RIF1: variants seen among roughly 807,000 people sequenced by gnomAD.
RIF1 encodes the protein telomere-associated protein RIF1.
RIF1 carries 45 observed loss-of-function variants against 247.1 expected under a neutral mutation model. The observed-to-expected ratio is 0.18, with a 90% confidence interval of 0.14 to 0.23. The LOEUF (loss-of-function observed/expected upper bound fraction) is 0.23. Among genes scored for constraint, RIF1 ranks in the 10% least tolerant of loss-of-function variants. The pLI, the probability that RIF1 is intolerant of heterozygous loss-of-function variation, is 1.00. For missense variants in RIF1, 2,967 were observed against 2,862.5 expected (o/e 1.04, Z -0.83); for synonymous variants, 1,087 against 978.8 (o/e 1.11, Z -2.06).
chr2:151,504,648 C>T (rs1057449835), intron 12 of RIF1, among the ~76,000 whole-genome samples: 5 of 152,182 alleles, frequency 3.3e-5, no homozygotes, highest in African/African-American at 4.8e-5. Context: ...GACCAAGGTC[C>T]TCCCCTTTTA....
At chr2:151,524,560 T>C in the RIF1 span, 9 of 1,612,598 alleles carry the variant, frequency 5.6e-6, no homozygotes, top group Admixed American at 1.7e-5. Context: ...TGATGTCTGG[T>C]CGATCAGCCA....
At chr2:151,432,669 T>C (rs2152312213) in intron 9 of RIF1, among the ~76,000 whole-genome samples, 1 of 152,330 alleles carries the variant, frequency 6.6e-6, no homozygotes, top group South Asian at 2.1e-4. Flanking sequence ...TTGTCAAAGT[T>C]TTGGCATTTT....
chr2:151,531,893 T>G, the RIF1 span: 1 of 1,540,380 alleles, frequency 6.5e-7, no homozygotes, highest in East Asian at 2.3e-5. Context: ...TTCCTGTATT[T>G]GATCTAAATT....
chr2:151,497,946 T>C, intron 10 of RIF1: 5 of 1,444,698 alleles, frequency 3.5e-6, no homozygotes, highest in Non-Finnish European at 4.5e-6. Context: ...TTATCCATGT[T>C]ATTTTTTTTC....
chr2:151,442,207 C>A (rs1194638855), intron 16 of RIF1, among the ~76,000 whole-genome samples: 1 of 151,684 alleles, frequency 6.6e-6, no homozygotes, highest in Admixed American at 6.6e-5. Flanking sequence ...TCCCGAGTAG[C>A]TGGGATTACA....
chr2:151,451,541 GCTTA>G, intron 20 of RIF1, 61 bp from the exon 21 acceptor site: 1 of 802,076 alleles, frequency 1.2e-6, no homozygotes, highest in Non-Finnish European at 2.2e-6. Flanking sequence ...TTTTCATGTT[GCTTA>G]CTTTTGTTGA....
Position 151,493,859 on chromosome 2 carries a change from G to C in RIF1, c.*416-1370G>C, listed in dbSNP as rs754272530. On this transcript the variant is annotated intron_variant and NMD_transcript_variant, in intron 9 of 13. Transcript: ENST00000454583. ...GGGTTGCTTTCCCCAGGTTCTCTTT[G>C]TATAACACCTGTGAGATACAAAGTC... 14 of 1,557,258 alleles carry C rather than the reference G, an allele frequency of 9.0e-6. No individual in the cohort carries two copies. The highest frequency in any genetic ancestry group is 2.0e-5 in the Admixed American group (1 of 51,118).
At chr2:151,486,597 C>T (rs1167895434), downstream of RIF1, 1 of 152,216 alleles carries the variant, frequency 6.6e-6, no homozygotes, top group Admixed American at 6.5e-5. Flanking sequence ...GTGGAAACAA[C>T]TTAAATGCCC....
intron 15 of RIF1, among the ~76,000 whole-genome samples, chr2:151,440,356 A>T (rs191250584): frequency 9.7e-4 from 148 of 152,298 alleles, no homozygotes; most frequent in African/African-American, 3.5e-3. Context: ...TGGTAAGAAA[A>T]AAGTATCCGC....
At position 151,480,648 on chromosome 2, in the gene RIF1, AAAC is replaced by A. The variant is rs2049127809; in HGVS notation, c.*5582_*5584del. Reference sequence around the variant, plus strand: ...AGGCAGCTTTGTTTCTTAAACGGATAAACAACATATAACTAGGAAGATCATCTT... The same window carrying A: ...AGGCAGCTTTGTTTCTTAAACGGATAAACATATAACTAGGAAGATCATCTT... On this transcript the variant is annotated 3_prime_UTR_variant, in exon 36 of 36. Transcript: ENST00000444746. 1 of 152,220 alleles carries A rather than the reference AAAC, an allele frequency of 6.6e-6. No homozygotes were observed. Among genetic ancestry groups the A allele is most frequent in the African/African-American group, 2.4e-5 (1 of 41,448 alleles). 9.4% of individuals were successfully genotyped at this position (152,220 alleles called of 1,614,324 possible). A position where few individuals can be genotyped will look rare whatever the true frequency, so the allele number is the denominator to read the frequency against.
the RIF1 span, chr2:151,519,758 C>T: frequency 2.2e-5 from 36 of 1,605,958 alleles, no homozygotes; most frequent in African/African-American, 6.7e-5. Flanking sequence ...GAAATTTTCT[C>T]GGTATTTAAC....
downstream of RIF1, among the ~76,000 whole-genome samples, chr2:151,509,890 G>A (rs960473092): frequency 1.2e-4 from 18 of 152,202 alleles, no homozygotes; most frequent in African/African-American, 3.9e-4. Flanking sequence ...TTACAGGCGC[G>A]AGCCACTGCG....
intron 33 of RIF1, 97 bp from the exon 34 acceptor site, chr2:151,469,614 A>G (rs1325972828): frequency 1.1e-6 from 1 of 942,576 alleles, no homozygotes; most frequent in Non-Finnish European, 1.5e-6. Context: ...CTCAGTTATG[A>G]TTGAGCTTAA....
chr2:151,467,579 G>A (rs954262937), intron 30 of RIF1, among the ~76,000 whole-genome samples: 2 of 152,018 alleles, frequency 1.3e-5, no homozygotes, highest in African/African-American at 4.8e-5. Context: ...TCCTGACCTC[G>A]AGATCCACCC....
chr2:151,425,343 CT>C (rs1290708271), intron 8 of RIF1, among the ~76,000 whole-genome samples: 2 of 152,000 alleles, frequency 1.3e-5, no homozygotes, highest in Admixed American at 6.6e-5. Flanking sequence ...TGTAGGTTCT[CT>C]TTTGCTTTCT....
Position 151,409,909 on chromosome 2 carries a change from A to G in RIF1, c.-135A>G. 3 of 698,084 alleles carry G rather than the reference A, an allele frequency of 4.3e-6. No homozygotes were observed. The highest frequency in any genetic ancestry group is 7.8e-6 in the Non-Finnish European group (3 of 382,628). 43.2% of individuals were successfully genotyped at this position (698,084 alleles called of 1,614,324 possible). ...GCACTCCTGGGCCCGCCCAGCCGCC[A>G]TCTTGGTCTAGGAGGGAGCGCGCCG... On this transcript the variant is annotated 5_prime_UTR_variant, in exon 1 of 36. Coordinates refer to ENST00000444746, the MANE Select transcript of RIF1 (RefSeq NM_018151.5).
rs928495004 is a variant in RIF1 at position 151,461,006 on chromosome 2, C to A, written c.3076-132C>A. 92 of 787,844 alleles carry A rather than the reference C, an allele frequency of 1.2e-4. No individual in the cohort carries two copies. In the African/African-American group the frequency reaches 1.4e-3, roughly 12 times the overall value. 48.8% of individuals were successfully genotyped at this position (787,844 alleles called of 1,614,324 possible). A position where few individuals can be genotyped will look rare whatever the true frequency, so the allele number is the denominator to read the frequency against. On this transcript the variant is annotated intron_variant, in intron 26 of 35. Transcript: ENST00000444746. ...TGGGGAACATTGTACTAATTTGTTA[C>A]GGATCATGAGTATCATCAACTTTCA... is the stretch of plus-strand genomic sequence containing the variant.
chr2:151,428,118 A>T (rs946374727), intron 8 of RIF1, among the ~76,000 whole-genome samples: 2 of 152,136 alleles, frequency 1.3e-5, no homozygotes, highest in Admixed American at 6.5e-5. Context: ...AATCCCAGCT[A>T]CTTGGAAGGC....
intron 6 of RIF1, among the ~76,000 whole-genome samples, chr2:151,418,735 G>A (rs1420869903): frequency 4.6e-5 from 7 of 151,968 alleles, no homozygotes; most frequent in Admixed American, 2.6e-4. Context: ...TCAGCCGGGC[G>A]TGGTGACGCG....
Sources: gnomAD v4.1 joint callset for allele counts (sites outside exome capture counted in the v4.1 genomes callset) on GRCh38, gnomAD v4.1.1 for gene constraint, MANE v1.5 for transcripts, NCBI Gene and HGNC (gene_info 2026-07-23, HGNC 2026-07-21) for gene names.